The following GREB1L variants were observed in gnomAD, a reference collection of about 807,000 sequenced individuals.
The protein encoded by GREB1L is GREB1-like protein.
In GREB1L, 17 loss-of-function variants were observed where a neutral mutation model predicts 200.8. The observed-to-expected ratio is 0.08, with a 90% CI of 0.06 to 0.13. The LOEUF is 0.13. GREB1L is among the 10% of genes least tolerant of loss of function. GREB1L has a pLI of 1.00. For synonymous variants in GREB1L, 789 were observed against 893.0 expected (o/e 0.88, Z 2.08); for missense variants, 1,657 against 2,367.7 (o/e 0.70, Z 6.23).
intron 1 of GREB1L, among the ~76,000 whole-genome samples, chr18:21,310,218 T>C (rs947114907): frequency 6.6e-6 from 1 of 152,030 alleles, no homozygotes; most frequent in Non-Finnish European, 1.5e-5. Context: ...GCAGAAAAGG[T>C]TGGTAACTGA....
At position 21,454,546 on chromosome 18, in the gene GREB1L, A is replaced by G. The variant is rs2034667496; in HGVS notation, c.2165A>G (p.Gln722Arg). The change falls in exon 15 of 33, where the codon CAG becomes CGG. Residue 722 changes from glutamine to arginine, a missense_variant. Physicochemically the swap from Gln to Arg is conservative, Grantham distance 43. This residue lies in a region of GREB1L where 239 missense variants were observed against 421.8 expected (regional missense o/e 0.57). Coordinates refer to ENST00000424526, the MANE Select transcript of GREB1L (RefSeq NM_001142966.3). ...RSEVLVQQTL[Q>R]RIRQSGVLVD... is the part of the protein sequence containing the mutation. ...GAGGTGTTGGTTCAGCAAACTCTTC[A>G]GCGGATTCGACAATCAGGTAAGAGT... 1.9e-6 allele frequency: 3 copies of G among 1,551,456 alleles called. No homozygotes were observed. The East Asian group carries it at 7.3e-5, about 38-fold the overall frequency.
chr18:21,457,558 C>T (rs756216718), intron 15 of GREB1L, among the ~76,000 whole-genome samples: 6 of 152,138 alleles, frequency 3.9e-5, no homozygotes, highest in Admixed American at 2.0e-4. Context: ...CCTAGTGTTC[C>T]ACCTCTCTTC....
At chr18:21,482,720 C>G (rs1408017751) in intron 17 of GREB1L, among the ~76,000 whole-genome samples, 1 of 117,038 alleles carries the variant, frequency 8.5e-6, no homozygotes, top group African/African-American at 3.2e-5. Context: ...AAGAAAATAA[C>G]AAAGAACTGC....
At chr18:21,419,508 T>A (rs2144841160) in intron 7 of GREB1L, among the ~76,000 whole-genome samples, 2 of 152,310 alleles carry the variant, frequency 1.3e-5, no homozygotes, top group Non-Finnish European at 2.9e-5. Flanking sequence ...GCTGGAGTGC[T>A]ATGGTGTGAT....
chr18:21,485,566 C>G, intron 17 of GREB1L, 54 bp from the exon 18 acceptor site: 3 of 1,475,232 alleles, frequency 2.0e-6, no homozygotes, highest in Non-Finnish European at 2.7e-6. Context: ...TTCTGGAAAA[C>G]AAGACACACT....
At chr18:21,416,776 A>T in intron 7 of GREB1L, among the ~76,000 whole-genome samples, 1 of 151,970 alleles carries the variant, frequency 6.6e-6, no homozygotes, top group East Asian at 1.9e-4. Flanking sequence ...CTGTACTCCC[A>T]GCACTTTGGG....
chr18:21,453,754 A>T (rs1199086751), intron 14 of GREB1L, among the ~76,000 whole-genome samples: 1 of 152,178 alleles, frequency 6.6e-6, no homozygotes, highest in Non-Finnish European at 1.5e-5. Context: ...CTGCTAGGTC[A>T]CAGCACTGGC....
At chr18:21,358,184 C>G (rs1487439316) in intron 1 of GREB1L, among the ~76,000 whole-genome samples, 2 of 151,828 alleles carry the variant, frequency 1.3e-5, no homozygotes, top group Non-Finnish European at 2.9e-5. Flanking sequence ...AAATGTATTC[C>G]TAAATTTTTT....
At chr18:21,306,055 A>G (rs770204644) in intron 1 of GREB1L, among the ~76,000 whole-genome samples, 4 of 152,160 alleles carry the variant, frequency 2.6e-5, no homozygotes, top group Non-Finnish European at 2.9e-5. Flanking sequence ...TATTCCTAGC[A>G]AACATCACTA....
At chr18:21,483,213 G>A (rs889842146) in intron 17 of GREB1L, among the ~76,000 whole-genome samples, 1 of 152,214 alleles carries the variant, frequency 6.6e-6, no homozygotes, top group Admixed American at 6.5e-5. Flanking sequence ...TTCTAATGCT[G>A]TGTCAGGAAG....
intron 14 of GREB1L, among the ~76,000 whole-genome samples, chr18:21,453,815 C>A (rs933077868): frequency 6.6e-6 from 1 of 151,974 alleles, no homozygotes; most frequent in Admixed American, 6.6e-5. Flanking sequence ...CCATGACCCA[C>A]GTTATGTAGT....
At chr18:21,395,271 A>T in intron 4 of GREB1L, 114 bp from the exon 5 acceptor site, 1 of 825,264 alleles carries the variant, frequency 1.2e-6, no homozygotes. Context: ...TAGGGACTTT[A>T]ATTTAGTCTG....
chr18:21,320,298 T>G (rs575080907), intron 1 of GREB1L, among the ~76,000 whole-genome samples: 2 of 152,174 alleles, frequency 1.3e-5, no homozygotes, highest in South Asian at 4.1e-4. Context: ...CATATAGAAA[T>G]TGTCACCAAA....
intron 17 of GREB1L, among the ~76,000 whole-genome samples, chr18:21,477,738 A>G (rs1043681931): frequency 3.0e-4 from 45 of 150,746 alleles, no homozygotes; most frequent in Admixed American, 5.3e-4. Flanking sequence ...GTGAGCGGAG[A>G]TTGTGCCACT....
chr18:21,309,311 C>G (rs1227494349), intron 1 of GREB1L, among the ~76,000 whole-genome samples: 1 of 152,206 alleles, frequency 6.6e-6, no homozygotes, highest in Non-Finnish European at 1.5e-5. Context: ...AAGAGCTGTT[C>G]AGTCAGAAGA....
intron 7 of GREB1L, among the ~76,000 whole-genome samples, chr18:21,432,845 T>TA (rs2033267446): frequency 6.6e-6 from 1 of 151,826 alleles, no homozygotes; most frequent in South Asian, 2.1e-4. Flanking sequence ...TAGCTGGGAT[T>TA]ACAGGTGTGT....
At position 21,419,023 on chromosome 18, in the gene GREB1L, A is replaced by G. The variant is rs1236701229; in HGVS notation, c.832+15029A>G. ...TATTTAGATATGTTTAGATACACAA[A>G]TACCATTTTGTTACAATTGCCTATA... On this transcript the variant is annotated intron_variant, in intron 7 of 32. Transcript: ENST00000424526. Among the ~76,000 whole-genome samples the G allele has an allele frequency of 3.3e-5, 5 of 152,170 alleles. No homozygotes were observed. In the East Asian group the frequency reaches 9.6e-4, roughly 29 times the overall value.
At chr18:21,434,573 A>ATATATATGTGTGTATATATATGTGTG (rs762886983) in intron 7 of GREB1L, among the ~76,000 whole-genome samples, 1 of 127,258 alleles carries the variant, frequency 7.9e-6, no homozygotes, top group African/African-American at 3.6e-5. Context: ...ATATGTGTGT[A>ATATATATGTGTGTATATATATGTGTG]TATATATATA....
At chr18:21,440,698 C>T (rs1398817351) in intron 9 of GREB1L, among the ~76,000 whole-genome samples, 1 of 152,144 alleles carries the variant, frequency 6.6e-6, no homozygotes, top group Non-Finnish European at 1.5e-5. Flanking sequence ...TAGATTTTCC[C>T]TGCTGTTATC....
Sources: allele counts gnomAD v4.1 joint callset (sites outside exome capture counted in the v4.1 genomes callset), GRCh38; gene constraint gnomAD v4.1.1; regional missense constraint gnomAD v4.1.1; transcripts MANE v1.5; gene names NCBI Gene and HGNC (gene_info 2026-07-23, HGNC 2026-07-21).